Variants in ZNF33B observed in about 807,000 individuals in gnomAD.
ZNF33B encodes the protein zinc finger protein 33B.
A neutral mutation model predicts 45.8 loss-of-function variants in ZNF33B; 29 were observed. The observed-to-expected ratio is 0.63, with a 90% CI of 0.47 to 0.86. ZNF33B has a LOEUF of 0.86. ZNF33B is among the 40% of genes least tolerant of loss of function. The probability of loss-of-function intolerance (pLI) is 0.00; values close to 1 mark genes in which losing one functional copy is unlikely to be tolerated. For missense variants in ZNF33B, 831 were observed against 909.9 expected (o/e 0.91, Z 1.12); for synonymous variants, 305 against 307.8 (o/e 0.99, Z 0.10).
rs376344981 is a variant in ZNF33B, at chr10:42,626,075, A to AT, written c.250+5853dup. On this transcript the variant is annotated intron_variant, in intron 4 of 4. Transcript: ENST00000359467. ...GATCCTCTTAATGTCTTGTATAGAGATTTTTTATCATGGATGCATACTGCA... is the reference window on the plus strand; with the variant it reads ...GATCCTCTTAATGTCTTGTATAGAGATTTTTTTATCATGGATGCATACTGCA... 2.5e-4 allele frequency among the ~76,000 whole-genome samples: 38 copies of AT among 152,272 alleles called. 1 individual carries two copies. The highest frequency in any genetic ancestry group is 8.4e-4 in the African/African-American group (35 of 41,556).
chr10:42,630,646 C>A (rs1226328420), intron 4 of ZNF33B, among the ~76,000 whole-genome samples: 1 of 152,196 alleles, frequency 6.6e-6, no homozygotes, highest in Non-Finnish European at 1.5e-5. Flanking sequence ...CTCCTGCCTT[C>A]CGGCTTTGTC....
At chr10:42,582,012 AG>A (rs1188447823) in intron 1 of ZNF33B, 3 of 152,296 alleles carry the variant, frequency 2.0e-5, no homozygotes, top group African/African-American at 7.2e-5. Context: ...GCTACTCAGG[AG>A]GCTAAGGCAG....
intron 1 of ZNF33B, chr10:42,583,133 A>T: frequency 1.3e-6 from 1 of 781,536 alleles, no homozygotes; most frequent in Non-Finnish European, 2.3e-6. Context: ...CCTGGGAGGG[A>T]GTAAGCATGG....
At chr10:42,581,869 C>G (rs1836832399) in intron 1 of ZNF33B, 1 of 152,188 alleles carries the variant, frequency 6.6e-6, no homozygotes, top group Non-Finnish European at 1.5e-5. Flanking sequence ...AATCTCAGCA[C>G]TTTAGGAGGC....
chr10:42,612,538 A>G (rs1838145796), intron 4 of ZNF33B, among the ~76,000 whole-genome samples: 2 of 152,080 alleles, frequency 1.3e-5, no homozygotes, highest in African/African-American at 4.8e-5. Context: ...ACCCAGCCAG[A>G]TTAATTGATT....
At position 42,583,380 on chromosome 10, in the gene ZNF33B, T is replaced by TA. The variant is rs139987793; in HGVS notation, c.74-8703dup. The TA allele has an allele frequency of 8.4e-3, 3,051 of 364,514 alleles. 88 individuals carry two copies. Among genetic ancestry groups the TA allele is most frequent in the African/African-American group, 0.059 (2,820 of 48,000 alleles). The allele number at this position is 364,514 out of a possible 1,614,324, so 22.6% of individuals were successfully genotyped here. ...GGCATTCCAGAATCCAGAATCTAGG[T>TA]AAGTTTTCTGTCTGTGGTGCACAAT... On this transcript the variant is annotated intron_variant, in intron 1 of 1. Transcript: ENST00000462075.
chr10:42,586,466 A>G (rs1316465233), downstream of ZNF33B, among the ~76,000 whole-genome samples: 1 of 151,920 alleles, frequency 6.6e-6, no homozygotes, highest in Non-Finnish European at 1.5e-5. Context: ...TTTCAAAGAG[A>G]CGAAGTCTCA....
intron 2 of ZNF33B, 100 bp from the exon 3 acceptor site, chr10:42,632,539 G>A: frequency 6.9e-7 from 1 of 1,439,244 alleles, no homozygotes; most frequent in Non-Finnish European, 9.3e-7. Flanking sequence ...ATACTTTTAG[G>A]GAAAAAAGAA....
intron 1 of ZNF33B, among the ~76,000 whole-genome samples, chr10:42,575,751 G>A (rs1317984490): frequency 1.5e-5 from 2 of 129,900 alleles, no homozygotes; most frequent in South Asian, 2.2e-4. Flanking sequence ...TTTTTTTTGA[G>A]ACAGAGTCTC....
At chr10:42,625,331 C>A (rs1425519411) in intron 4 of ZNF33B, among the ~76,000 whole-genome samples, 1 of 151,950 alleles carries the variant, frequency 6.6e-6, no homozygotes, top group Non-Finnish European at 1.5e-5. Flanking sequence ...ATTTAATTTT[C>A]TATGGAATAA....
chr10:42,612,058 G>C (rs1291737837), intron 4 of ZNF33B, among the ~76,000 whole-genome samples: 1 of 151,930 alleles, frequency 6.6e-6, no homozygotes, highest in East Asian at 1.9e-4. Context: ...CACTAAGTAT[G>C]ATCTTAGCAG....
downstream of ZNF33B, among the ~76,000 whole-genome samples, chr10:42,585,604 G>C (rs145311693): frequency 2.2e-3 from 328 of 152,296 alleles, 2 homozygotes; most frequent in Middle Eastern, 0.027. Flanking sequence ...ATAATGAATA[G>C]TGTTCACATG....
At chr10:42,635,679 G>T (rs558519526) in intron 2 of ZNF33B, among the ~76,000 whole-genome samples, 3 of 151,566 alleles carry the variant, frequency 2.0e-5, no homozygotes, top group South Asian at 4.2e-4. Flanking sequence ...GCATGGTGGC[G>T]CATGCCTATA....
At chr10:42,611,696 T>C (rs909864675) in intron 4 of ZNF33B, among the ~76,000 whole-genome samples, 2 of 152,214 alleles carry the variant, frequency 1.3e-5, no homozygotes, top group African/African-American at 2.4e-5. Flanking sequence ...TAATAATATA[T>C]GTAATTAGCA....
At chr10:42,594,794 C>T (rs1287338393) in intron 4 of ZNF33B, 95 bp from the exon 5 acceptor site, 9 of 1,373,276 alleles carry the variant, frequency 6.6e-6, no homozygotes, top group Non-Finnish European at 8.6e-6. Flanking sequence ...GTAGCTGACT[C>T]TGGTTTTTTG....
In ZNF33B at chr10:42,594,560, T is replaced by C. The variant is rs781143183; in HGVS notation, c.390A>G (p.Val130=). ...NVIGIPFNMD[V]SSFPSRKMFC... ...ACATTTTTCTGGAAGGAAAAGAACT[T>C]ACGTCCATGTTAAATGGTATTCCTA... The change falls in exon 5 of 5, where the codon GTA becomes GTG. Residue 130 remains valine (V), a synonymous_variant. Coordinates refer to ENST00000359467, the MANE Select transcript of ZNF33B (RefSeq NM_006955.3). 38 of 1,613,368 alleles carry C rather than the reference T, an allele frequency of 2.4e-5. No homozygotes were observed. In the East Asian group the frequency reaches 7.8e-4, roughly 33 times the overall value.
At chr10:42,613,977 C>A (rs989583292) in intron 4 of ZNF33B, among the ~76,000 whole-genome samples, 1 of 152,312 alleles carries the variant, frequency 6.6e-6, no homozygotes, top group South Asian at 2.1e-4. Context: ...CTCTAAAAAA[C>A]AACAGCAACA....
chr10:42,579,183 C>A (rs529587551), intron 1 of ZNF33B, among the ~76,000 whole-genome samples: 2 of 152,210 alleles, frequency 1.3e-5, no homozygotes, highest in East Asian at 3.9e-4. Flanking sequence ...ACACCTTTAT[C>A]TTTTTTTGAC....
At chr10:42,605,113 G>C (rs1435842979) in intron 4 of ZNF33B, 1 of 151,856 alleles carries the variant, frequency 6.6e-6, no homozygotes, top group East Asian at 1.9e-4. Flanking sequence ...ACCAGAAGGA[G>C]GGGAAAAATA....
Sources: gnomAD v4.1 joint callset for allele counts (sites outside exome capture counted in the v4.1 genomes callset) on GRCh38, gnomAD v4.1.1 for gene constraint, MANE v1.5 for transcripts, NCBI Gene and HGNC (gene_info 2026-07-23, HGNC 2026-07-21) for gene names.